Variants in KCNJ6 observed in about 807,000 individuals in gnomAD.
KCNJ6 encodes G protein-activated inward rectifier potassium channel 2.
A neutral mutation model predicts 34.2 loss-of-function variants in KCNJ6; 9 were observed. That is an observed-to-expected ratio of 0.26 (90% CI 0.16 to 0.46). The LOEUF (loss-of-function observed/expected upper bound fraction) is 0.46. Ranked by LOEUF, KCNJ6 falls within the 20% of genes least tolerant of loss-of-function variation. The pLI is 1.00. For missense variants in KCNJ6, 236 were observed against 531.3 expected (o/e 0.44, Z 5.46); for synonymous variants, 196 against 207.1 (o/e 0.95, Z 0.46).
At chr21:37,851,043 A>G (rs2055535054) in intron 1 of KCNJ6, among the ~76,000 whole-genome samples, 1 of 152,136 alleles carries the variant, frequency 6.6e-6, no homozygotes, top group African/African-American at 2.4e-5. Context: ...GCCGTGATCA[A>G]GTTTTGTGAC....
chr21:37,767,778 C>T (rs2055098583), intron 2 of KCNJ6, among the ~76,000 whole-genome samples: 1 of 152,102 alleles, frequency 6.6e-6, no homozygotes, highest in African/African-American at 2.4e-5. Flanking sequence ...TTGTTTTTTT[C>T]TCTCCCTCCA....
intron 2 of KCNJ6, among the ~76,000 whole-genome samples, chr21:37,752,886 T>C (rs1202931272): frequency 6.6e-6 from 1 of 152,228 alleles, no homozygotes; most frequent in Non-Finnish European, 1.5e-5. Flanking sequence ...CTGTAGGCTC[T>C]GCCCCTGCCC....
At chr21:37,858,214 AC>A (rs2055574692) in intron 1 of KCNJ6, among the ~76,000 whole-genome samples, 1 of 151,828 alleles carries the variant, frequency 6.6e-6, no homozygotes, top group African/African-American at 2.4e-5. Context: ...ACACGGTGAA[AC>A]CCCATCTCTA....
At chr21:37,870,835 C>G (rs928293043) in intron 1 of KCNJ6, among the ~76,000 whole-genome samples, 1 of 152,172 alleles carries the variant, frequency 6.6e-6, no homozygotes, top group African/African-American at 2.4e-5. Flanking sequence ...CTTCCTACAG[C>G]TTCTGCACCC....
At chr21:37,745,431 T>C (rs2054963124) in intron 2 of KCNJ6, among the ~76,000 whole-genome samples, 1 of 152,094 alleles carries the variant, frequency 6.6e-6, no homozygotes. Flanking sequence ...CCATGGTTGC[T>C]GGTTTTGAAG....
chr21:37,643,797 G>A (rs1171111054), intron 3 of KCNJ6, among the ~76,000 whole-genome samples: 2 of 152,162 alleles, frequency 1.3e-5, no homozygotes, highest in Non-Finnish European at 2.9e-5. Context: ...GTCTCCTGAA[G>A]GCAGAGGGTT....
intron 3 of KCNJ6, among the ~76,000 whole-genome samples, chr21:37,694,578 G>A (rs1484991658): frequency 6.6e-6 from 1 of 152,202 alleles, no homozygotes; most frequent in Non-Finnish European, 1.5e-5. Flanking sequence ...TGTCAGCGGT[G>A]TGTCGGGGAA....
chr21:37,830,687 C>T (rs2055421582), intron 2 of KCNJ6, among the ~76,000 whole-genome samples: 3 of 152,124 alleles, frequency 2.0e-5, no homozygotes, highest in Admixed American at 6.5e-5. Context: ...GGACATTCAT[C>T]AGAAGGTGAG....
intron 1 of KCNJ6, among the ~76,000 whole-genome samples, chr21:37,866,706 A>G (rs1051066952): frequency 6.6e-6 from 1 of 152,206 alleles, no homozygotes; most frequent in African/African-American, 2.4e-5. Context: ...ACAGCACTTC[A>G]GCCAGATTCA....
intron 1 of KCNJ6, among the ~76,000 whole-genome samples, chr21:37,858,201 A>C (rs1215627290): frequency 1.3e-5 from 2 of 151,846 alleles, no homozygotes; most frequent in African/African-American, 4.8e-5. Flanking sequence ...ACCATCCTGG[A>C]TAACACGGTG....
intron 2 of KCNJ6, among the ~76,000 whole-genome samples, chr21:37,736,546 A>G (rs917391651): frequency 6.6e-6 from 1 of 152,182 alleles, no homozygotes; most frequent in African/African-American, 2.4e-5. Context: ...TAGAAGTCCA[A>G]CACCTCTGGA....
intron 2 of KCNJ6, among the ~76,000 whole-genome samples, chr21:37,782,127 A>G (rs1166703880): frequency 6.6e-6 from 1 of 152,126 alleles, no homozygotes; most frequent in East Asian, 1.9e-4. Flanking sequence ...GTGGGAAAAG[A>G]GAGTGAGAGA....
intron 1 of KCNJ6, among the ~76,000 whole-genome samples, chr21:37,862,546 A>G (rs1014472723): frequency 9.2e-5 from 14 of 152,254 alleles, no homozygotes; most frequent in Non-Finnish European, 1.5e-4. Context: ...AAGCCTAGAC[A>G]CAGCATCTGT....
chr21:37,719,191 T>A (rs919753562), intron 2 of KCNJ6, among the ~76,000 whole-genome samples: 50 of 151,976 alleles, frequency 3.3e-4, no homozygotes, highest in Admixed American at 4.6e-4. Flanking sequence ...TCCAGAGTCA[T>A]CACAGGGAAT....
rs185510261 is a variant in KCNJ6 at position 37,854,846 on chromosome 21, A to T, written c.-27-14137T>A. Among the ~76,000 whole-genome samples the T allele has an allele frequency of 4.8e-3, 727 of 152,374 alleles. 4 individuals carry two copies. Among genetic ancestry groups the T allele is most frequent in the Non-Finnish European group, 7.7e-3 (526 of 68,030 alleles). ...CCTAAATGTGTATGCAACAAACAAC[A>T]GAGGTGCAAAATATGTGGAGCAAAA... is the stretch of plus-strand genomic sequence containing the variant. On this transcript the variant is annotated intron_variant, in intron 1 of 3. Transcript: ENST00000609713.
At chr21:37,787,025 C>A (rs2055195863) in intron 2 of KCNJ6, among the ~76,000 whole-genome samples, 1 of 152,202 alleles carries the variant, frequency 6.6e-6, no homozygotes, top group African/African-American at 2.4e-5. Context: ...CTAATAAACA[C>A]ATTCCCCAAA....
At chr21:37,726,993 C>T (rs1026385669) in intron 2 of KCNJ6, among the ~76,000 whole-genome samples, 22 of 152,132 alleles carry the variant, frequency 1.4e-4, no homozygotes, top group Admixed American at 5.2e-4. Context: ...AAGGTGGGCT[C>T]TAAGTCCAAT....
At chr21:37,808,726 T>G (rs1048396428) in intron 2 of KCNJ6, among the ~76,000 whole-genome samples, 12 of 152,230 alleles carry the variant, frequency 7.9e-5, no homozygotes, top group African/African-American at 2.4e-4. Flanking sequence ...AAGCCACTCA[T>G]CCCTGGGACA....
At chr21:37,893,699 A>G (rs539059832) in intron 1 of KCNJ6, among the ~76,000 whole-genome samples, 1 of 99,956 alleles carries the variant, frequency 1.0e-5, no homozygotes, top group East Asian at 2.9e-4. Flanking sequence ...TCTGTCCAAC[A>G]AATACTACCT....
Sources: gnomAD v4.1 joint callset for allele counts (sites outside exome capture counted in the v4.1 genomes callset) on GRCh38, gnomAD v4.1.1 for gene constraint, MANE v1.5 for transcripts, NCBI Gene and HGNC (gene_info 2026-07-23, HGNC 2026-07-21) for gene names.